Variants in TTN observed in about 807,000 individuals in gnomAD.
TTN encodes titin.
Under a neutral mutation model 3,223.0 loss-of-function variants are expected in TTN, and 1,525 were observed. That is an observed-to-expected ratio of 0.47 (90% CI 0.45 to 0.49). The LOEUF is 0.49. Ranked by LOEUF, TTN falls within the 20% of genes least tolerant of loss-of-function variation. The pLI is 0.00. For missense variants in TTN, 40,786 were observed against 43,424.0 expected, an observed-to-expected ratio of 0.94 and a Z score of 5.40; for synonymous variants, 14,094 against 15,161.0, an observed-to-expected ratio of 0.93 and a Z score of 5.17.
Position 178,568,845 on chromosome 2 carries a change from G to T in TTN, c.77287C>A (p.Gln25763Lys). 6.2e-7 allele frequency: 1 copy of T among 1,613,016 alleles called. No homozygotes were observed. Residue 25763 changes from glutamine to lysine, a missense_variant, in exon 326 of 363, where the codon CAA becomes AAA. Physicochemically the swap from Gln to Lys is moderately conservative, Grantham distance 53. Transcript: ENST00000589042. ...ACTCTAAAAAGATATTCTTCCCCTTGAGTTAGGTTGGTAATTACTGCCTGA... is the reference window on the plus strand; with the variant it reads ...ACTCTAAAAAGATATTCTTCCCCTTTAGTTAGGTTGGTAATTACTGCCTGA... The part of the protein sequence containing the change: ...SLQAVITNLT[Q>K]GEEYLFRVVA...
intron 156 of TTN, 124 bp from the exon 157 acceptor site, chr2:178,670,419 TCAA>T: frequency 2.3e-6 from 1 of 442,392 alleles, no homozygotes; most frequent in Non-Finnish European, 3.9e-6. Flanking sequence ...CAACACTTTA[TCAA>T]ATACATTACA....
In TTN at chr2:178,550,282, GAA is replaced by G; in HGVS notation, c.91565-11_91565-10del. The G allele has an allele frequency of 6.3e-7, 1 of 1,598,958 alleles. No homozygotes were observed. Among genetic ancestry groups the G allele is most frequent in the East Asian group, 2.2e-5 (1 of 44,692 alleles). On this transcript the variant is annotated splice_polypyrimidine_tract_variant and intron_variant, in intron 336 of 362. Transcript: ENST00000589042. Reference sequence around the variant, plus strand: ...CTCTACTATTGGTGGAACTATAAAAGAAAGAGAAATACTATGTATTAGTTTGG... The same window carrying G: ...CTCTACTATTGGTGGAACTATAAAAGAGAGAAATACTATGTATTAGTTTGG...
chr2:178,542,233 G>C (rs1694937152), intron 349 of TTN, 31 bp downstream of exon 349: 2 of 1,578,716 alleles, frequency 1.3e-6, no homozygotes, highest in South Asian at 2.3e-5. Flanking sequence ...ATCAGAGGTG[G>C]GGAGAGTGGT....
chr2:178,564,464 G>A lies in TTN; in HGVS notation c.81668C>T (p.Thr27223Ile), dbSNP rs755648922. 5.6e-6 allele frequency: 9 copies of A among 1,611,992 alleles called. No individual in the cohort carries two copies. Among genetic ancestry groups the A allele is most frequent in the Non-Finnish European group, 5.9e-6 (7 of 1,178,916 alleles). The stretch of plus-strand genomic sequence containing the variant: ...TGTAAATTCAGTTTCTAATACGTTG[G>A]TAAAGCTGGCTTTCATCCAGCGGCC... ...PDGRWMKASF[T>I]NVLETEFTVS... Residue 27223 changes from threonine (T) to isoleucine (I), a missense_variant, in exon 326 of 363, where the codon ACC becomes ATC. Physicochemically the swap from Thr to Ile is moderately conservative, Grantham distance 89. Coordinates refer to ENST00000589042, the MANE Select transcript of TTN (RefSeq NM_001267550.2).
Position 178,564,562 on chromosome 2 carries a change from T to C in TTN, c.81570A>G (p.Lys27190=). Residue 27190 remains lysine, a synonymous_variant, in exon 326 of 363, where the codon AAA becomes AAG. Coordinates refer to ENST00000589042, the MANE Select transcript of TTN (RefSeq NM_001267550.2). ...CACCATCATAGGCAGGTTTCTTCCATTTCAGTGTGACATTGTTTCTTGTAA... is the reference window on the plus strand; with the variant it reads ...CACCATCATAGGCAGGTTTCTTCCACTTCAGTGTGACATTGTTTCTTGTAA... ...IVITRNNVTL[K]WKKPAYDGGS... is the part of the protein sequence containing the mutation. 6.2e-7 allele frequency: 1 copy of C among 1,613,432 alleles called. No individual in the cohort carries two copies. Among genetic ancestry groups the C allele is most frequent in the Non-Finnish European group, 8.5e-7 (1 of 1,179,694 alleles).
At position 178,710,908 on chromosome 2, in the gene TTN, G is replaced by A. The variant is rs1446166655; in HGVS notation, c.28189C>T (p.Pro9397Ser). The change falls in exon 98 of 363, where the codon CCC (proline) becomes TCC (serine). Residue 9397 changes from proline to serine, a missense_variant. Physicochemically the swap from Pro to Ser is moderately conservative, Grantham distance 74. Transcript: ENST00000589042. Reference sequence around the variant, plus strand: ...GGGGCAAGACGGATGTCAAAGAAGGGTGGGTTCTTCCCCTCTAATAGTAGA... The same window carrying A: ...GGGGCAAGACGGATGTCAAAGAAGGATGGGTTCTTCCCCTCTAATAGTAGA... ...RLILTEGKNPPFFDIRLAPVD... is the reference protein window; with the variant it reads ...RLILTEGKNPSFFDIRLAPVD... 1 of 1,613,148 alleles carries A rather than the reference G, an allele frequency of 6.2e-7. No individual in the cohort carries two copies. Among genetic ancestry groups the A allele is most frequent in the Admixed American group, 1.7e-5 (1 of 60,010 alleles).
At chr2:178,794,633 C>T in intron 7 of TTN, 82 bp from the exon 8 acceptor site, 1 of 1,550,836 alleles carries the variant, frequency 6.4e-7, no homozygotes, top group South Asian at 1.1e-5. Context: ...GAAAACTGAG[C>T]CACCTAGAGC....
rs1277465530 is a variant in TTN at position 178,583,069 on chromosome 2, T to A, written c.65734A>T (p.Met21912Leu). The A allele has an allele frequency of 6.2e-7, 1 of 1,611,444 alleles. No homozygotes were observed. ...TLLKPAEGIK[M>L]AMQRNLCTLE... Reference sequence around the variant, plus strand: ...GTGCACAGATTCCGCTGCATGGCCATCTTTATGCCTTCTGCTGGTTTTAGC... The same window carrying A: ...GTGCACAGATTCCGCTGCATGGCCAACTTTATGCCTTCTGCTGGTTTTAGC... Residue 21912 changes from methionine (M) to leucine (L), a missense_variant, in exon 313 of 363, where the codon ATG (methionine) becomes TTG (leucine). Coordinates refer to ENST00000589042, the MANE Select transcript of TTN (RefSeq NM_001267550.2).
At chr2:178,684,883 G>T in intron 130 of TTN, 23 bp downstream of exon 130, 1 of 1,576,558 alleles carries the variant, frequency 6.3e-7, no homozygotes, top group Non-Finnish European at 8.6e-7. Flanking sequence ...ACAGTCTTGA[G>T]AATAAAATAA....
At chr2:178,761,742 A>G (rs1574449781) in intron 43 of TTN, among the ~76,000 whole-genome samples, 1 of 152,188 alleles carries the variant, frequency 6.6e-6, no homozygotes, top group Non-Finnish European at 1.5e-5. Context: ...GCACCCCAGC[A>G]CCTAGGGTAA....
Position 178,781,169 on chromosome 2 carries a change from GAAC to G in TTN, c.3472_3474del (p.Val1158del), listed in dbSNP as rs773870868. 5.0e-6 allele frequency: 8 copies of G among 1,613,842 alleles called. No individual in the cohort carries two copies. Among genetic ancestry groups the G allele is most frequent in the South Asian group, 3.3e-5 (3 of 91,076 alleles). On this transcript the variant is annotated inframe_deletion, in exon 21 of 363. Transcript: ENST00000589042. ...GCAGAAGTTTCTCCATGCTTATTGC[GAAC>G]AACAATAGTGTATTCTCCAGCATCA... is the stretch of plus-strand genomic sequence containing the variant.
At position 178,634,545 on chromosome 2, in the gene TTN, C is replaced by A. The variant is rs746480872; in HGVS notation, c.42236G>T (p.Arg14079Leu). ...RQARFECVLTREANVIWSKGP... is the reference protein window; with the variant it reads ...RQARFECVLTLEANVIWSKGP... ...TTTGGACCATATAACATTTGCCTCTCGGGTGAGGACACATTCGAATCGAGC... is the reference window on the plus strand; with the variant it reads ...TTTGGACCATATAACATTTGCCTCTAGGGTGAGGACACATTCGAATCGAGC... The change falls in exon 230 of 363, where the codon CGA becomes CTA. Residue 14079 changes from arginine to leucine, a missense_variant. Physicochemically the swap from Arg to Leu is moderately radical, Grantham distance 102 (BLOSUM62 -2). Coordinates refer to ENST00000589042, the MANE Select transcript of TTN (RefSeq NM_001267550.2). This position sits in a 1 kb window ranked among gnomAD's most constrained non-coding sequence, Gnocchi z 4.6. The A allele has an allele frequency of 1.2e-6, 2 of 1,613,298 alleles. No individual in the cohort carries two copies. Among genetic ancestry groups the A allele is most frequent in the South Asian group, 2.2e-5 (2 of 91,052 alleles).
rs1424506370 is a variant in TTN at position 178,582,409 on chromosome 2, C to A, written c.66047G>T (p.Ser22016Ile). The change falls in exon 314 of 363, where the codon AGC (serine) becomes ATC (isoleucine). Residue 22016 changes from serine (S) to isoleucine (I), a missense_variant. Physicochemically the swap from Ser to Ile is moderately radical, Grantham distance 142 (BLOSUM62 -2). Coordinates refer to ENST00000589042, the MANE Select transcript of TTN (RefSeq NM_001267550.2). ...ATGGCCCTCTATAAGTTTCTCCACG[C>A]TGCAGCTGGTGATAGGCACAGTTGC... Reference protein sequence around the residue: ...VSATVPITSCSVEKLIEGHEY... With the variant: ...VSATVPITSCIVEKLIEGHEY... 6.2e-7 allele frequency: 1 copy of A among 1,612,934 alleles called. No individual in the cohort carries two copies. The highest frequency in any genetic ancestry group is 1.1e-5 in the South Asian group (1 of 91,034).
Position 178,615,465 on chromosome 2 carries a change from C to T in TTN, c.48480G>A (p.Glu16160=). 1 of 1,612,150 alleles carries T rather than the reference C, an allele frequency of 6.2e-7. No homozygotes were observed. The highest frequency in any genetic ancestry group is 8.5e-7 in the Non-Finnish European group (1 of 1,178,768). ...CTGTTCGATCTCTCCATTTAACATT[C>T]TCTGGTGGGTCAGGTACCGCTACAA... is the stretch of plus-strand genomic sequence containing the variant. ...STPATVPDPP[E]NVKWRDRTAN... The change falls in exon 259 of 363, where the codon GAG becomes GAA. Residue 16160 remains glutamate, a synonymous_variant. Coordinates refer to ENST00000589042, the MANE Select transcript of TTN (RefSeq NM_001267550.2).
chr2:178,724,627 G>A, intron 71 of TTN, 89 bp from the exon 72 acceptor site: 1 of 1,370,536 alleles, frequency 7.3e-7, no homozygotes, highest in East Asian at 2.5e-5. Context: ...TTCTCCCAGT[G>A]AGATGGTTAT....
rs780550944 is a variant in TTN at position 178,651,489 on chromosome 2, C to T, written c.39511G>A (p.Val13171Met). The T allele has an allele frequency of 1.9e-6, 3 of 1,612,874 alleles. No homozygotes were observed. The highest frequency in any genetic ancestry group is 2.5e-6 in the Non-Finnish European group (3 of 1,179,478). ...EVVPEKKVPL[V>M]VPKKPEAPPA... The stretch of plus-strand genomic sequence containing the variant: ...GGGGCTTCTGGCTTTTTGGGAACCA[C>T]CAGAGGCACCTTCTTTTCAGGAACA... The change falls in exon 207 of 363, where the codon GTG becomes ATG. Residue 13171 changes from valine to methionine, a missense_variant. Transcript: ENST00000589042.
At chr2:178,794,321 G>C (rs1339200444) in intron 8 of TTN, 78 bp downstream of exon 8, 2 of 1,591,834 alleles carry the variant, frequency 1.3e-6, no homozygotes, top group African/African-American at 2.7e-5. Context: ...TGCATGCCAA[G>C]CTCAGTGGAT....
intron 213 of TTN, among the ~76,000 whole-genome samples, chr2:178,648,540 G>C (rs189020512): frequency 6.6e-6 from 1 of 152,010 alleles, no homozygotes; most frequent in South Asian, 2.1e-4. Context: ...CTCCCAAGTA[G>C]CTGGGATTAC....
In TTN at chr2:178,712,162, G is replaced by T; in HGVS notation, c.27668C>A (p.Ser9223Tyr). 6.2e-7 allele frequency: 1 copy of T among 1,613,784 alleles called. No homozygotes were observed. The highest frequency in any genetic ancestry group is 1.1e-5 in the South Asian group (1 of 91,062). ...PVKVSVGDSA[S>Y]LQCQLAGTPE... ...GGTTCCAGCAAGCTGGCATTGTAGA[G>T]AGGCAGAATCTCCAACAGACACCTT... The change falls in exon 96 of 363, where the codon TCT (serine) becomes TAT (tyrosine). Residue 9223 changes from serine to tyrosine, a missense_variant. By Grantham distance (144) the Ser-to-Tyr change is moderately radical. Coordinates refer to ENST00000589042, the MANE Select transcript of TTN (RefSeq NM_001267550.2).
Sources: gnomAD v4.1 joint callset for allele counts (sites outside exome capture counted in the v4.1 genomes callset) on GRCh38, gnomAD v4.1.1 for gene constraint, Gnocchi (gnomAD v3.1) non-coding constraint, MANE v1.5 for transcripts, NCBI Gene and HGNC (gene_info 2026-07-23, HGNC 2026-07-21) for gene names.